LGSN: variants seen among roughly 807,000 people sequenced by gnomAD.
The protein encoded by LGSN is lengsin, lens protein with glutamine synthetase domain.
Under a neutral mutation model 19.5 loss-of-function variants are expected in LGSN, and 21 were observed. The ratio of observed to expected loss-of-function variants is 1.07; its 90% CI spans 0.76 to 1.55. The LOEUF (loss-of-function observed/expected upper bound fraction) is 1.55. Ranked by LOEUF, LGSN falls within the 40% of genes most tolerant of loss-of-function variation. LGSN has a pLI of 0.00. For missense variants in LGSN, 673 were observed against 608.5 expected, an observed-to-expected ratio of 1.11 and a Z score of -1.12; for synonymous variants, 257 against 215.6, an observed-to-expected ratio of 1.19 and a Z score of -1.68.
the LGSN span, among the ~76,000 whole-genome samples, chr6:63,414,943 T>C: frequency 1.3e-5 from 2 of 151,716 alleles, no homozygotes; most frequent in Admixed American, 6.6e-5. Flanking sequence ...ATGAAAACTT[T>C]AAAAATTTAA....
the LGSN span, among the ~76,000 whole-genome samples, chr6:63,469,558 T>C: frequency 6.6e-6 from 1 of 152,202 alleles, no homozygotes; most frequent in Admixed American, 6.5e-5. Context: ...TTAATTATAG[T>C]GATAAAAATT....
chr6:63,358,629 T>C, the LGSN span, among the ~76,000 whole-genome samples: 1 of 152,248 alleles, frequency 6.6e-6, no homozygotes, highest in African/African-American at 2.4e-5. Flanking sequence ...TTTGGCTTTC[T>C]GTTTGTCTGT....
chr6:63,412,545 A>AGAAAGAAAGAAC, the LGSN span, among the ~76,000 whole-genome samples: 1 of 137,496 alleles, frequency 7.3e-6, no homozygotes, highest in Non-Finnish European at 1.5e-5. Context: ...AAAGAAAGAA[A>AGAAAGAAAGAAC]GAAAGAAAGA....
the LGSN span, among the ~76,000 whole-genome samples, chr6:63,337,564 G>A: frequency 6.6e-6 from 1 of 151,924 alleles, no homozygotes; most frequent in Non-Finnish European, 1.5e-5. Context: ...CACTTTAGGA[G>A]GCCAAGGCAG....
the LGSN span, chr6:63,527,759 T>G: frequency 6.6e-6 from 1 of 152,178 alleles, no homozygotes; most frequent in Admixed American, 6.5e-5. Flanking sequence ...AAGTTAGAGC[T>G]TAGACAGTGA....
At chr6:63,511,578 G>C in the LGSN span, among the ~76,000 whole-genome samples, 1 of 152,116 alleles carries the variant, frequency 6.6e-6, no homozygotes, top group African/African-American at 2.4e-5. Context: ...TTAAAATGTA[G>C]CTTTGAGAAT....
the LGSN span, among the ~76,000 whole-genome samples, chr6:63,398,962 A>G: frequency 4.1e-4 from 63 of 152,278 alleles, no homozygotes; most frequent in African/African-American, 1.4e-3. Flanking sequence ...ATGCCATGAC[A>G]CATGGCTAGT....
chr6:63,572,215 C>T, the LGSN span: 56 of 160,970 alleles, frequency 3.5e-4, no homozygotes, highest in African/African-American at 1.3e-3. Flanking sequence ...CTCTCGCTCC[C>T]ACCCCTTCTT....
At chr6:63,551,827 A>G in the LGSN span, among the ~76,000 whole-genome samples, 1 of 152,286 alleles carries the variant, frequency 6.6e-6, no homozygotes, top group Admixed American at 6.5e-5. Context: ...TTTGCTGAGA[A>G]TGATGGTTTC....
At chr6:63,356,366 C>G in the LGSN span, among the ~76,000 whole-genome samples, 1 of 151,844 alleles carries the variant, frequency 6.6e-6, no homozygotes, top group Non-Finnish European at 1.5e-5. Flanking sequence ...ATGATGAAAC[C>G]CCATCTCTAC....
chr6:63,494,279 T>A, the LGSN span, among the ~76,000 whole-genome samples: 1 of 152,116 alleles, frequency 6.6e-6, no homozygotes, highest in East Asian at 1.9e-4. Context: ...GCTCCTTGGA[T>A]CCCCATATTT....
chr6:63,281,169 G>T lies in LGSN; in HGVS notation c.382C>A (p.Pro128Thr). 3.1e-6 allele frequency: 5 copies of T among 1,612,852 alleles called. No individual in the cohort carries two copies. Among genetic ancestry groups the T allele is most frequent in the Non-Finnish European group, 4.2e-6 (5 of 1,179,516 alleles). The stretch of plus-strand genomic sequence containing the variant: ...TTCATTTCATTGTCCTTTGGATTTG[G>T]TATCACTTCAAGATAACCTCGGGGC... ...CMPRGYLEVIPNPKDNEMNNI... is the reference protein window; with the variant it reads ...CMPRGYLEVITNPKDNEMNNI... The change falls in exon 4 of 4, where the codon CCA (proline) becomes ACA (threonine). Residue 128 changes from proline to threonine, a missense_variant. Coordinates refer to ENST00000370657, the MANE Select transcript of LGSN (RefSeq NM_016571.3).
At chr6:63,342,177 A>G in the LGSN span, among the ~76,000 whole-genome samples, 1 of 152,200 alleles carries the variant, frequency 6.6e-6, no homozygotes, top group Non-Finnish European at 1.5e-5. Context: ...GTTGTAGTTC[A>G]GTCTGTTACT....
chr6:63,572,642 C>A, the LGSN span: 1 of 417,734 alleles, frequency 2.4e-6, no homozygotes. Context: ...CTGCAGCCAC[C>A]GCCACCGCCT....
At chr6:63,494,287 T>G in the LGSN span, among the ~76,000 whole-genome samples, 5 of 152,130 alleles carry the variant, frequency 3.3e-5, no homozygotes, top group African/African-American at 7.2e-5. Flanking sequence ...GATCCCCATA[T>G]TTACTCCAAA....
chr6:63,476,108 T>TA, the LGSN span, among the ~76,000 whole-genome samples: 11 of 152,322 alleles, frequency 7.2e-5, 1 homozygote, highest in Admixed American at 5.9e-4. Context: ...TGGTTTTTTT[T>TA]ACTGATAGAT....
chr6:63,424,909 T>G, the LGSN span, among the ~76,000 whole-genome samples: 10 of 151,174 alleles, frequency 6.6e-5, no homozygotes, highest in African/African-American at 2.4e-4. Context: ...AGACCCTATC[T>G]CCATAAAAAA....
chr6:63,453,525 C>A, the LGSN span, among the ~76,000 whole-genome samples: 1 of 151,746 alleles, frequency 6.6e-6, no homozygotes, highest in Non-Finnish European at 1.5e-5. Context: ...ATGTAATGTT[C>A]TTCATTACCC....
In LGSN at chr6:63,277,746, GAGAA is replaced by G. The variant is rs753858348; in HGVS notation, c.*2271_*2274del. 1 of 152,422 alleles carries G rather than the reference GAGAA, an allele frequency of 6.6e-6. No homozygotes were observed. Among genetic ancestry groups the G allele is most frequent in the Non-Finnish European group, 1.5e-5 (1 of 68,266 alleles). The allele number at this position is 152,422 out of a possible 1,614,324, so 9.4% of individuals were successfully genotyped here. On this transcript the variant is annotated 3_prime_UTR_variant, in exon 4 of 4. Coordinates refer to ENST00000370657, the MANE Select transcript of LGSN (RefSeq NM_016571.3). ...TCAGCAGGAAGGGTGAAGGCAGCAA[GAGAA>G]AGAAAGGGCAGAGCACACAGCATCC...
Sources: gnomAD v4.1 joint callset for allele counts (sites outside exome capture counted in the v4.1 genomes callset) on GRCh38, gnomAD v4.1.1 for gene constraint, MANE v1.5 for transcripts, NCBI Gene and HGNC (gene_info 2026-07-23, HGNC 2026-07-21) for gene names.